RIMS1: variants seen among roughly 807,000 people sequenced by gnomAD.
RIMS1 encodes regulating synaptic membrane exocytosis protein 1.
Under a neutral mutation model 214.1 loss-of-function variants are expected in RIMS1, and 83 were observed. The ratio of observed to expected loss-of-function variants is 0.39; its 90% confidence interval spans 0.32 to 0.47. The LOEUF is 0.47. Ranked by LOEUF, RIMS1 falls within the 20% of genes least tolerant of loss-of-function variation. RIMS1 has a pLI of 0.99. For missense variants in RIMS1, 2,050 were observed against 2,161.8 expected (o/e 0.95, Z 1.03); for synonymous variants, 793 against 786.8 (o/e 1.01, Z -0.13).
chr6:71,983,447 T>G (rs1285165299), intron 2 of RIMS1, among the ~76,000 whole-genome samples: 1 of 152,056 alleles, frequency 6.6e-6, no homozygotes, highest in South Asian at 2.1e-4. Flanking sequence ...AAAAAAGGGT[T>G]TTTTTTATTA....
At chr6:72,384,217 A>G (rs1046590371) in intron 29 of RIMS1, among the ~76,000 whole-genome samples, 11 of 152,158 alleles carry the variant, frequency 7.2e-5, no homozygotes, top group African/African-American at 2.2e-4. Context: ...CTCTACTACC[A>G]CACATCTTAA....
At chr6:71,937,821 C>A (rs569643045) in intron 1 of RIMS1, among the ~76,000 whole-genome samples, 51 of 152,296 alleles carry the variant, frequency 3.3e-4, no homozygotes, top group African/African-American at 1.2e-3. Context: ...TCATAGAATT[C>A]TACCCTGGGT....
rs558785210 is a variant in RIMS1, at chr6:71,997,500, A to G, written c.245+28437A>G. On this transcript the variant is annotated intron_variant, in intron 2 of 33. Transcript: ENST00000521978. ...TCCCTTTCATTAATTTCTTCTCTAA[A>G]GCCTAAACAATTAAGCTGAAATGTT... Among the ~76,000 whole-genome samples, 14 of 152,312 alleles carry G rather than the reference A, an allele frequency of 9.2e-5. No homozygotes were observed. The East Asian group carries it at 2.5e-3, about 27-fold the overall frequency.
intron 23 of RIMS1, among the ~76,000 whole-genome samples, chr6:72,281,899 T>G (rs1332664261): frequency 6.6e-6 from 1 of 152,164 alleles, no homozygotes; most frequent in African/African-American, 2.4e-5. Flanking sequence ...AGCTACTTTT[T>G]GTTGTTTATT....
rs915042810 is a variant in RIMS1, at chr6:72,182,712, C to T, written c.1241C>T (p.Pro414Leu). 3 of 1,513,886 alleles carry T rather than the reference C, an allele frequency of 2.0e-6. No individual in the cohort carries two copies. The highest frequency in any genetic ancestry group is 1.4e-5 in the African/African-American group (1 of 69,078). The allele number at this position is 1,513,886 out of a possible 1,614,324, so 93.8% of individuals were successfully genotyped here. A position where few individuals can be genotyped will look rare whatever the true frequency, so the allele number is the denominator to read the frequency against. The change falls in exon 6 of 34, where the codon CCG (proline) becomes CTG (leucine). Residue 414 changes from proline to leucine, a missense_variant. This residue lies in a region of RIMS1 where 882 missense variants were observed against 828.9 expected (regional missense o/e 1.06). Transcript: ENST00000521978. The part of the protein sequence containing the change: ...LPEGKAGKRA[P>L]AAARASPPDS... ...GAGGGCAAGGCCGGCAAACGCGCGC[C>T]GGCGGCAGCCAGGGCCTCGCCGCCG...
intron 6 of RIMS1, among the ~76,000 whole-genome samples, chr6:72,201,416 A>G (rs1166571875): frequency 6.6e-6 from 1 of 152,194 alleles, no homozygotes; most frequent in Non-Finnish European, 1.5e-5. Context: ...GTTCTTTGGT[A>G]TCCTTTTAAA....
intron 2 of RIMS1, among the ~76,000 whole-genome samples, chr6:72,038,010 T>C (rs1356142003): frequency 6.8e-6 from 1 of 147,310 alleles, no homozygotes; most frequent in African/African-American, 2.5e-5. Context: ...TCTTCAGTTA[T>C]TGATCTAACC....
chr6:72,105,210 A>G (rs959084018), intron 4 of RIMS1, among the ~76,000 whole-genome samples: 1 of 152,142 alleles, frequency 6.6e-6, no homozygotes, highest in Admixed American at 6.6e-5. Context: ...CTGGAATTAT[A>G]AGTGTGAGCC....
At chr6:71,895,396 C>T (rs139533570) in intron 1 of RIMS1, among the ~76,000 whole-genome samples, 1 of 152,044 alleles carries the variant, frequency 6.6e-6, no homozygotes, top group East Asian at 1.9e-4. Flanking sequence ...TCTTTGAGGC[C>T]GGGTGCGGTG....
At chr6:72,292,067 A>C in intron 26 of RIMS1, 21 bp downstream of exon 26, 1 of 1,495,368 alleles carries the variant, frequency 6.7e-7, no homozygotes. Flanking sequence ...AAGAGAGATC[A>C]TTGTCCAAAA....
intron 28 of RIMS1, among the ~76,000 whole-genome samples, chr6:72,322,978 A>C (rs1433169169): frequency 1.5e-4 from 23 of 152,200 alleles, no homozygotes; most frequent in Non-Finnish European, 1.8e-4. Context: ...CAAAGAGCCA[A>C]GCACAAATTC....
In RIMS1 at chr6:72,010,457, A is replaced by G. The variant is rs536300036; in HGVS notation, c.245+41394A>G. Among the ~76,000 whole-genome samples the G allele has an allele frequency of 8.9e-4, 135 of 152,332 alleles. 1 individual carries two copies. The highest frequency in any genetic ancestry group is 3.0e-3 in the African/African-American group (123 of 41,570). On this transcript the variant is annotated intron_variant, in intron 2 of 33. Transcript: ENST00000521978. ...CCCTCTCTCACAGCTCCTATTCAAC[A>G]TAATGTTGGAAGTTCTGGCCAGGGC...
rs575601411 is a variant in RIMS1, at chr6:72,073,099, G to A, written c.246-23850G>A. On this transcript the variant is annotated intron_variant, in intron 2 of 33. Coordinates refer to ENST00000521978, the MANE Select transcript of RIMS1 (RefSeq NM_014989.7). The stretch of plus-strand genomic sequence containing the variant: ...GAGCCCTGACTGTGGAGCAAATGGC[G>A]TGAGATACTCAGCAGTATCTCTTTA... Among the ~76,000 whole-genome samples, 183 of 152,252 alleles carry A rather than the reference G, an allele frequency of 1.2e-3. 1 individual carries two copies. The highest frequency in any genetic ancestry group is 4.3e-3 in the African/African-American group (180 of 41,538).
At chr6:72,210,761 T>G (rs1168433001) in intron 6 of RIMS1, among the ~76,000 whole-genome samples, 6 of 152,196 alleles carry the variant, frequency 3.9e-5, no homozygotes, top group Non-Finnish European at 8.8e-5. Context: ...AAGCCTCGGT[T>G]TCCTCATCTG....
At chr6:71,947,311 TGAACA>T (rs1472543355) in intron 1 of RIMS1, among the ~76,000 whole-genome samples, 1 of 152,098 alleles carries the variant, frequency 6.6e-6, no homozygotes, top group African/African-American at 2.4e-5. Context: ...CCTCTGTACA[TGAACA>T]GATCAATGGA....
intron 2 of RIMS1, among the ~76,000 whole-genome samples, chr6:72,071,438 CA>C (rs1283640000): frequency 1.1e-4 from 16 of 151,990 alleles, no homozygotes; most frequent in Admixed American, 1.0e-3. Context: ...CTTGGAGAAA[CA>C]GTAAGTTAGA....
intron 4 of RIMS1, among the ~76,000 whole-genome samples, chr6:72,100,459 A>G (rs1356403382): frequency 1.3e-5 from 2 of 152,066 alleles, no homozygotes; most frequent in African/African-American, 2.4e-5. Flanking sequence ...CAGAGTTGTC[A>G]TACTGAACCA....
At chr6:72,210,857 T>C (rs954907409) in intron 6 of RIMS1, among the ~76,000 whole-genome samples, 1 of 152,226 alleles carries the variant, frequency 6.6e-6, no homozygotes, top group Non-Finnish European at 1.5e-5. Context: ...CTTAGTATAG[T>C]TGATACTCAG....
intron 4 of RIMS1, among the ~76,000 whole-genome samples, chr6:72,151,284 C>G (rs149755881): frequency 1.4e-4 from 22 of 152,030 alleles, no homozygotes; most frequent in Non-Finnish European, 2.4e-4. Context: ...CCTCGTGATC[C>G]GCCCGCCTCT....
Sources: allele counts gnomAD v4.1 joint callset (sites outside exome capture counted in the v4.1 genomes callset), GRCh38; gene constraint gnomAD v4.1.1; regional missense constraint gnomAD v4.1.1; transcripts MANE v1.5; gene names NCBI Gene and HGNC (gene_info 2026-07-23, HGNC 2026-07-21).